The following SLC24A2 variants were observed in gnomAD, a reference collection of about 807,000 sequenced individuals.
SLC24A2 encodes the protein solute carrier family 24 member 2.
In SLC24A2, 36 loss-of-function variants were observed where a neutral mutation model predicts 62.0. The ratio of observed to expected loss-of-function variants is 0.58; its 90% CI spans 0.44 to 0.77. SLC24A2 has a LOEUF of 0.77. Among genes scored for constraint, SLC24A2 ranks in the 30% least tolerant of loss-of-function variants. The probability of loss-of-function intolerance (pLI) is 0.00; values close to 1 mark genes in which losing one functional copy is unlikely to be tolerated. For synonymous variants in SLC24A2, 358 were observed against 294.0 expected (o/e 1.22, Z -2.23); for missense variants, 846 against 817.9 (o/e 1.03, Z -0.42).
intron 2 of SLC24A2, among the ~76,000 whole-genome samples, chr9:19,734,247 C>G (rs1052040412): frequency 5.9e-5 from 9 of 152,032 alleles, no homozygotes; most frequent in Non-Finnish European, 1.3e-4. Context: ...TGGTCTATAT[C>G]TCTGTTTTGG....
intron 4 of SLC24A2, among the ~76,000 whole-genome samples, chr9:19,598,573 T>C (rs1250161019): frequency 6.6e-6 from 1 of 152,118 alleles, no homozygotes; most frequent in Non-Finnish European, 1.5e-5. Context: ...TTACAAAAGA[T>C]GCAGGTGCTT....
chr9:19,805,995 A>C, the SLC24A2 span, among the ~76,000 whole-genome samples: 1 of 152,108 alleles, frequency 6.6e-6, no homozygotes, highest in Non-Finnish European at 1.5e-5. Context: ...TAAAAATTAA[A>C]GCAAAACTTT....
At chr9:20,019,155 A>AAGAGAGAAAG in the SLC24A2 span, among the ~76,000 whole-genome samples, 1 of 117,088 alleles carries the variant, frequency 8.5e-6, no homozygotes, top group Non-Finnish European at 1.8e-5. Flanking sequence ...GAAAGAAAGA[A>AAGAGAGAAAG]AGAGAGAGAG....
intron 8 of SLC24A2, among the ~76,000 whole-genome samples, chr9:19,541,440 T>G (rs1208823715): frequency 6.6e-6 from 1 of 152,002 alleles, no homozygotes; most frequent in Non-Finnish European, 1.5e-5. Flanking sequence ...GACCGTCAGC[T>G]GCAGGTCTGT....
chr9:19,546,341 A>G (rs1166378685), intron 8 of SLC24A2, among the ~76,000 whole-genome samples: 2 of 151,932 alleles, frequency 1.3e-5, no homozygotes, highest in African/African-American at 2.4e-5. Context: ...GGTTTTATCT[A>G]TATGTTTGGG....
the SLC24A2 span, among the ~76,000 whole-genome samples, chr9:20,157,371 T>C: frequency 2.0e-5 from 3 of 151,638 alleles, no homozygotes; most frequent in African/African-American, 7.3e-5. Flanking sequence ...AGAGCTCCAT[T>C]GGCACTATAT....
At chr9:20,017,256 C>G in the SLC24A2 span, among the ~76,000 whole-genome samples, 1 of 152,192 alleles carries the variant, frequency 6.6e-6, no homozygotes, top group African/African-American at 2.4e-5. Context: ...CTCCTGGCCT[C>G]AAGTGATCCA....
At chr9:19,691,180 A>G (rs1437904581) in intron 2 of SLC24A2, among the ~76,000 whole-genome samples, 1 of 152,096 alleles carries the variant, frequency 6.6e-6, no homozygotes, top group Non-Finnish European at 1.5e-5. Context: ...CAAATATAGG[A>G]TGCACCTGCA....
At chr9:19,876,999 G>C in the SLC24A2 span, among the ~76,000 whole-genome samples, 1 of 151,960 alleles carries the variant, frequency 6.6e-6, no homozygotes, top group Non-Finnish European at 1.5e-5. Context: ...TTTTATTTCA[G>C]AATGGAAAAC....
the SLC24A2 span, among the ~76,000 whole-genome samples, chr9:19,935,560 G>A: frequency 1.3e-5 from 2 of 152,332 alleles, no homozygotes; most frequent in East Asian, 3.9e-4. Flanking sequence ...GTCCTGGGGT[G>A]CAAGCTGAGT....
the SLC24A2 span, among the ~76,000 whole-genome samples, chr9:19,959,995 G>T: frequency 1.3e-5 from 2 of 152,148 alleles, no homozygotes; most frequent in Non-Finnish European, 2.9e-5. Flanking sequence ...CATAGAAAAG[G>T]CTCAAGGAAG....
chr9:20,193,277 T>A, the SLC24A2 span, among the ~76,000 whole-genome samples: 22 of 152,290 alleles, frequency 1.4e-4, no homozygotes, highest in African/African-American at 5.3e-4. Flanking sequence ...TTAAGGCATA[T>A]AAATCATGCC....
At chr9:19,919,798 A>G in the SLC24A2 span, among the ~76,000 whole-genome samples, 1 of 152,144 alleles carries the variant, frequency 6.6e-6, no homozygotes, top group Non-Finnish European at 1.5e-5. Flanking sequence ...AGCCCCTTAT[A>G]AAACCATCGT....
At chr9:20,009,941 C>G in the SLC24A2 span, among the ~76,000 whole-genome samples, 1 of 152,270 alleles carries the variant, frequency 6.6e-6, no homozygotes, top group South Asian at 2.1e-4. Context: ...CCTCACTCAA[C>G]CTTGGAGTCC....
At chr9:19,858,888 G>A in the SLC24A2 span, among the ~76,000 whole-genome samples, 2 of 152,106 alleles carry the variant, frequency 1.3e-5, no homozygotes, top group East Asian at 1.9e-4. Flanking sequence ...GAATGCTTAT[G>A]CACTGCTGGT....
At chr9:20,183,112 C>A in the SLC24A2 span, among the ~76,000 whole-genome samples, 2 of 152,082 alleles carry the variant, frequency 1.3e-5, no homozygotes, top group Non-Finnish European at 2.9e-5. Context: ...CTAGATCTAC[C>A]TTAGTGGCTC....
chr9:20,080,821 A>G, the SLC24A2 span, among the ~76,000 whole-genome samples: 2 of 152,170 alleles, frequency 1.3e-5, no homozygotes, highest in African/African-American at 4.8e-5. Context: ...GGCGAAGGAT[A>G]TGAACAGACA....
At chr9:20,305,867 G>C in the SLC24A2 span, among the ~76,000 whole-genome samples, 627 of 152,214 alleles carry the variant, frequency 4.1e-3, 5 homozygotes, top group African/African-American at 0.014. Flanking sequence ...TGGAAGTCTG[G>C]GGTCAAGTTG....
intron 2 of SLC24A2, among the ~76,000 whole-genome samples, chr9:19,625,681 TTTTTC>T (rs1818015280): frequency 7.7e-6 from 1 of 130,604 alleles, no homozygotes; most frequent in Admixed American, 9.1e-5. Context: ...CATTTCCTTT[TTTTTC>T]TTTTCTTTTT....
Sources: gnomAD v4.1 joint callset for allele counts (sites outside exome capture counted in the v4.1 genomes callset) on GRCh38, gnomAD v4.1.1 for gene constraint, MANE v1.5 for transcripts, NCBI Gene and HGNC (gene_info 2026-07-23, HGNC 2026-07-21) for gene names.